TASP1: variants seen among roughly 807,000 people sequenced by gnomAD.
TASP1 encodes the protein taspase 1.
TASP1 carries 16 observed loss-of-function variants against 56.6 expected under a neutral mutation model. The ratio of observed to expected loss-of-function variants is 0.28; its 90% CI spans 0.19 to 0.43. The LOEUF (loss-of-function observed/expected upper bound fraction) is 0.43, where lower values mean the gene tolerates loss of function less well. TASP1 is among the 20% of genes least tolerant of loss of function. The pLI is 1.00. For missense variants in TASP1, 393 were observed against 511.6 expected (o/e 0.77, Z 2.24); for synonymous variants, 179 against 184.2 (o/e 0.97, Z 0.23).
At chr20:13,307,622 G>A in the TASP1 span, among the ~76,000 whole-genome samples, 1 of 152,162 alleles carries the variant, frequency 6.6e-6, no homozygotes, top group Admixed American at 6.5e-5. Context: ...AGAATAATCA[G>A]TATCATGAAT....
chr20:13,274,645 A>G, the TASP1 span, among the ~76,000 whole-genome samples: 1 of 151,940 alleles, frequency 6.6e-6, no homozygotes, highest in Non-Finnish European at 1.5e-5. Context: ...GCAAGAGTCC[A>G]CGTCCCGCCC....
intron 4 of TASP1, among the ~76,000 whole-genome samples, chr20:13,610,650 A>G (rs943732695): frequency 2.6e-5 from 4 of 152,180 alleles, no homozygotes; most frequent in Non-Finnish European, 5.9e-5. Context: ...ATCTCTCAGT[A>G]TTATTTCTTA....
At chr20:13,510,350 G>C (rs953239668) in intron 10 of TASP1, among the ~76,000 whole-genome samples, 1 of 152,068 alleles carries the variant, frequency 6.6e-6, no homozygotes, top group Non-Finnish European at 1.5e-5. Flanking sequence ...CCAGAACCAA[G>C]AAGCAAAGCA....
intron 8 of TASP1, among the ~76,000 whole-genome samples, chr20:13,548,209 C>T (rs555190453): frequency 6.6e-6 from 1 of 152,156 alleles, no homozygotes; most frequent in East Asian, 1.9e-4. Flanking sequence ...AGGGTTCAAG[C>T]AGGAGCATGA....
chr20:13,625,332 C>A, intron 2 of TASP1, 80 bp from the exon 3 acceptor site: 6 of 1,170,138 alleles, frequency 5.1e-6, no homozygotes, highest in Non-Finnish European at 7.2e-6. Context: ...TCCATATAAA[C>A]TGATGCTGTC....
intron 13 of TASP1, among the ~76,000 whole-genome samples, chr20:13,397,554 T>C (rs1416226758): frequency 1.3e-5 from 2 of 152,302 alleles, no homozygotes; most frequent in East Asian, 1.9e-4. Flanking sequence ...AGACTTACCA[T>C]GAAGGAGGAT....
At chr20:13,488,634 G>A (rs145421495) in intron 10 of TASP1, among the ~76,000 whole-genome samples, 20 of 152,094 alleles carry the variant, frequency 1.3e-4, no homozygotes, top group African/African-American at 3.6e-4. Context: ...TGATTCTCCC[G>A]ATATCTTGGC....
At chr20:13,576,206 G>GGGGGAGGGGA (rs199819862) in intron 6 of TASP1, among the ~76,000 whole-genome samples, 2 of 96,354 alleles carry the variant, frequency 2.1e-5, no homozygotes, top group African/African-American at 3.8e-5. Context: ...CGAGACAGAA[G>GGGGGAGGGGA]GGGGAGGGGA....
At chr20:13,450,077 C>T (rs911703276) in intron 11 of TASP1, among the ~76,000 whole-genome samples, 1 of 152,024 alleles carries the variant, frequency 6.6e-6, no homozygotes, top group Non-Finnish European at 1.5e-5. Flanking sequence ...TTTGGTTTCC[C>T]AGTGCATATG....
chr20:13,518,869 A>G (rs1421276302), intron 10 of TASP1, among the ~76,000 whole-genome samples: 1 of 152,128 alleles, frequency 6.6e-6, no homozygotes, highest in Non-Finnish European at 1.5e-5. Flanking sequence ...CAAAAAGACA[A>G]GGCACTCACA....
chr20:13,554,490 A>G (rs2046088988), intron 8 of TASP1, among the ~76,000 whole-genome samples: 1 of 150,360 alleles, frequency 6.7e-6, no homozygotes, highest in African/African-American at 2.5e-5. Context: ...GTACTGTGAT[A>G]ATGTTTGTAT....
the TASP1 span, among the ~76,000 whole-genome samples, chr20:13,377,967 CTTCT>C: frequency 1.3e-5 from 2 of 151,946 alleles, no homozygotes; most frequent in Admixed American, 1.3e-4. Context: ...TCTCTCTTTT[CTTCT>C]TTATTATTCT....
chr20:13,609,214 C>T (rs1041183296), intron 4 of TASP1, among the ~76,000 whole-genome samples: 11 of 152,072 alleles, frequency 7.2e-5, no homozygotes, highest in African/African-American at 2.2e-4. Context: ...TGATCATCAG[C>T]GAAATGAAAA....
the TASP1 span, among the ~76,000 whole-genome samples, chr20:13,248,922 A>C: frequency 6.6e-6 from 1 of 152,342 alleles, no homozygotes; most frequent in South Asian, 2.1e-4. Flanking sequence ...GAGTTGATCA[A>C]CATGAAAATA....
the TASP1 span, among the ~76,000 whole-genome samples, chr20:13,180,950 G>C: frequency 6.6e-6 from 1 of 152,134 alleles, no homozygotes; most frequent in Admixed American, 6.5e-5. Flanking sequence ...GACATCCTTG[G>C]GCTTACTTTA....
the TASP1 span, chr20:13,279,489 T>C: frequency 1.4e-5 from 11 of 788,338 alleles, no homozygotes; most frequent in Non-Finnish European, 2.2e-5. Context: ...AGGTTTTCCA[T>C]TGTGTATCGC....
At chr20:13,221,104 G>T in the TASP1 span, among the ~76,000 whole-genome samples, 157 of 152,136 alleles carry the variant, frequency 1.0e-3, no homozygotes, top group African/African-American at 3.7e-3. Flanking sequence ...CGCGGCAGGC[G>T]GCCCCGAGGA....
At chr20:13,123,351 C>A in the TASP1 span, among the ~76,000 whole-genome samples, 1 of 151,264 alleles carries the variant, frequency 6.6e-6, no homozygotes, top group Non-Finnish European at 1.5e-5. Flanking sequence ...AAGTCACCAA[C>A]TGCATCAGGT....
At chr20:13,279,683 A>T in the TASP1 span, 4 of 1,614,038 alleles carry the variant, frequency 2.5e-6, no homozygotes, top group East Asian at 8.9e-5. Flanking sequence ...GATAAAGATC[A>T]GCATCCGGAG....
Sources: allele counts gnomAD v4.1 joint callset (sites outside exome capture counted in the v4.1 genomes callset), GRCh38; gene constraint gnomAD v4.1.1; transcripts MANE v1.5; gene names NCBI Gene and HGNC (gene_info 2026-07-23, HGNC 2026-07-21).